The following VWA3B variants were observed in gnomAD, a reference collection of about 807,000 sequenced individuals.
VWA3B encodes von Willebrand factor A domain-containing protein 3B.
In VWA3B, 138 loss-of-function variants were observed where a neutral mutation model predicts 158.3. That is an observed-to-expected ratio of 0.87 (90% CI 0.76 to 1.00). The LOEUF (loss-of-function observed/expected upper bound fraction) is 1.00. Ranked by LOEUF, VWA3B falls within the 50% of genes least tolerant of loss-of-function variation. The pLI, the probability that VWA3B is intolerant of heterozygous loss-of-function variation, is 0.00. For synonymous variants in VWA3B, 596 were observed against 587.3 expected, an observed-to-expected ratio of 1.01 and a Z score of -0.21; for missense variants, 1,555 against 1,565.1, an observed-to-expected ratio of 0.99 and a Z score of 0.11.
intron 21 of VWA3B, among the ~76,000 whole-genome samples, chr2:98,270,198 G>A (rs567776180): frequency 1.3e-5 from 2 of 152,338 alleles, no homozygotes; most frequent in Non-Finnish European, 1.5e-5. Flanking sequence ...TTGCAAAGAG[G>A]AAAGAAGATA....
At chr2:98,187,110 G>A (rs1681138761) in intron 9 of VWA3B, among the ~76,000 whole-genome samples, 1 of 152,122 alleles carries the variant, frequency 6.6e-6, no homozygotes, top group Admixed American at 6.5e-5. Context: ...TGTTCCGCCA[G>A]GCCTTCTCTC....
At chr2:98,204,993 C>G (rs7592725) in intron 12 of VWA3B, among the ~76,000 whole-genome samples, 3,942 of 152,198 alleles carry the variant, frequency 0.026, 158 homozygotes, top group African/African-American at 0.09. Flanking sequence ...TGCCTGTAAT[C>G]CCAGCTACTT....
chr2:98,119,512 G>A lies in VWA3B; in HGVS notation c.292-1G>A. On this transcript the variant is annotated splice_acceptor_variant, in intron 3 of 27. Transcript: ENST00000477737. LOFTEE classifies it high-confidence loss of function. ...TGTTTTTGTCTTTTATTTTCATTAA[G>A]CTGACAGCTAAATCAGAACTGATTT... The A allele has an allele frequency of 6.2e-7, 1 of 1,613,002 alleles. No homozygotes were observed. Among genetic ancestry groups the A allele is most frequent in the South Asian group, 1.1e-5 (1 of 90,992 alleles).
chr2:98,177,222 C>G (rs1462390800), intron 8 of VWA3B, among the ~76,000 whole-genome samples: 1 of 152,106 alleles, frequency 6.6e-6, no homozygotes, highest in Non-Finnish European at 1.5e-5. Flanking sequence ...GAAAAATGTT[C>G]TGAGATTGAC....
At chr2:98,149,555 A>G (rs1443621120) in intron 7 of VWA3B, among the ~76,000 whole-genome samples, 2 of 152,236 alleles carry the variant, frequency 1.3e-5, no homozygotes, top group African/African-American at 4.8e-5. Context: ...GAAGTTGCAA[A>G]GTTTACACCT....
chr2:98,313,615 C>T (rs138380542), downstream of VWA3B, among the ~76,000 whole-genome samples: 6 of 152,324 alleles, frequency 3.9e-5, no homozygotes, highest in Admixed American at 6.5e-5. Flanking sequence ...TGTGAGCCTG[C>T]GTACATTCAT....
chr2:98,318,970 C>A, the VWA3B span, among the ~76,000 whole-genome samples: 116 of 152,258 alleles, frequency 7.6e-4, 4 homozygotes, highest in South Asian at 0.023. Context: ...AGTCAGCCCT[C>A]CATATTTATG....
At chr2:98,167,960 A>C (rs1029661912) in intron 8 of VWA3B, among the ~76,000 whole-genome samples, 1 of 152,214 alleles carries the variant, frequency 6.6e-6, no homozygotes, top group African/African-American at 2.4e-5. Context: ...TGAAAAGAAC[A>C]AACTATTTCT....
intron 23 of VWA3B, chr2:98,291,857 A>G (rs1357152787): frequency 6.6e-6 from 1 of 152,214 alleles, no homozygotes; most frequent in East Asian, 1.9e-4. Context: ...TTTGGGAGAC[A>G]TAACCACAGA....
rs141481480 is a variant in VWA3B at position 98,128,444 on chromosome 2, G to T, written c.872+36G>T. On this transcript the variant is annotated intron_variant, in intron 6 of 27. Coordinates refer to ENST00000477737, the MANE Select transcript of VWA3B (RefSeq NM_144992.5). ...AATGTGCTCTTGAGTGACAGCAAGC[G>T]GGTTGCCTGCTCACACAGGATCAAC... 5.0e-6 allele frequency: 8 copies of T among 1,602,326 alleles called. No individual in the cohort carries two copies. In the East Asian group the frequency reaches 1.8e-4, roughly 36 times the overall value.
At chr2:98,235,719 C>G (rs977702946) in intron 17 of VWA3B, among the ~76,000 whole-genome samples, 1 of 152,154 alleles carries the variant, frequency 6.6e-6, no homozygotes, top group Non-Finnish European at 1.5e-5. Context: ...CACAGTGGCT[C>G]CCTTTCAATT....
chr2:98,249,687 G>A (rs1363175436), intron 19 of VWA3B, among the ~76,000 whole-genome samples: 1 of 151,948 alleles, frequency 6.6e-6, no homozygotes, highest in Non-Finnish European at 1.5e-5. Context: ...CAGAGAGAAA[G>A]AACTCAAAAA....
intron 2 of VWA3B, among the ~76,000 whole-genome samples, chr2:98,101,172 G>A (rs565357896): frequency 3.3e-4 from 50 of 152,272 alleles, no homozygotes; most frequent in East Asian, 3.9e-4. Context: ...TTCCTACTGC[G>A]GCCTGCTTTG....
At chr2:98,171,712 G>T (rs1040351602) in intron 8 of VWA3B, among the ~76,000 whole-genome samples, 9 of 152,162 alleles carry the variant, frequency 5.9e-5, no homozygotes, top group African/African-American at 2.2e-4. Context: ...GCTACAGGGT[G>T]GGAAACAAGT....
In VWA3B at chr2:98,312,484, G is replaced by A; in HGVS notation, c.*135G>A. 2.7e-6 allele frequency: 3 copies of A among 1,115,506 alleles called. No homozygotes were observed. The highest frequency in any genetic ancestry group is 3.7e-6 in the Non-Finnish European group (3 of 808,134). 69.1% of individuals were successfully genotyped at this position (1,115,506 alleles called of 1,614,324 possible). A position where few individuals can be genotyped will look rare whatever the true frequency, so the allele number is the denominator to read the frequency against. On this transcript the variant is annotated 3_prime_UTR_variant, in exon 28 of 28. Coordinates refer to ENST00000477737, the MANE Select transcript of VWA3B (RefSeq NM_144992.5). ...GCCGCCTATGCCTGCCCTGTCTGTA[G>A]CAAAGACTCCTCTCCCCTCCATCCC...
At chr2:98,234,838 C>G in intron 17 of VWA3B, 71 bp downstream of exon 17, 1 of 1,590,844 alleles carries the variant, frequency 6.3e-7, no homozygotes, top group Non-Finnish European at 8.6e-7. Flanking sequence ...GAAAGAGCTG[C>G]GTGTAGATAT....
downstream of VWA3B, among the ~76,000 whole-genome samples, chr2:98,316,204 G>A (rs1023934041): frequency 5.3e-5 from 8 of 152,158 alleles, 1 homozygote; most frequent in South Asian, 1.7e-3. Flanking sequence ...GTTTACAGTA[G>A]GAGAGCTAAA....
intron 7 of VWA3B, among the ~76,000 whole-genome samples, chr2:98,136,567 T>C (rs1047748606): frequency 6.7e-6 from 1 of 149,412 alleles, no homozygotes; most frequent in Non-Finnish European, 1.5e-5. Context: ...AGGGGAGGAA[T>C]GCTGCACCCT....
At chr2:98,221,790 G>A (rs569321500) in intron 14 of VWA3B, among the ~76,000 whole-genome samples, 5 of 152,118 alleles carry the variant, frequency 3.3e-5, no homozygotes, top group East Asian at 3.9e-4. Context: ...GCCCAGTGTC[G>A]AGCCAACCCT....
Sources: allele counts gnomAD v4.1 joint callset (sites outside exome capture counted in the v4.1 genomes callset), GRCh38; gene constraint gnomAD v4.1.1; transcripts MANE v1.5; gene names NCBI Gene and HGNC (gene_info 2026-07-23, HGNC 2026-07-21).